Variants in CMIP observed in about 807,000 individuals in gnomAD.
The protein encoded by CMIP is c-Maf inducing protein.
CMIP carries 13 observed loss-of-function variants against 97.3 expected under a neutral mutation model. That is an observed-to-expected ratio of 0.13 (90% CI 0.09 to 0.21). The LOEUF (loss-of-function observed/expected upper bound fraction) is 0.21, where lower values mean the gene tolerates loss of function less well. Among genes scored for constraint, CMIP ranks in the 10% least tolerant of loss-of-function variants. The pLI is 1.00. For synonymous variants in CMIP, 538 were observed against 436.3 expected (o/e 1.23, Z -2.91); for missense variants, 847 against 1,024.9 (o/e 0.83, Z 2.37).
intron 1 of CMIP, among the ~76,000 whole-genome samples, chr16:81,446,419 T>C (rs1905845854): frequency 7.3e-6 from 1 of 137,654 alleles, no homozygotes; most frequent in African/African-American, 2.8e-5. Context: ...AAGACAGCTG[T>C]GGTGGGGTCG....
rs112617729 is a variant in CMIP, at chr16:81,457,922, C to A, written c.300+12381C>A. On this transcript the variant is annotated intron_variant, in intron 1 of 20. Coordinates refer to ENST00000537098, the MANE Select transcript of CMIP (RefSeq NM_198390.3). ...TGGCCTGGGCGTTGGCAAGCTCCCC[C>A]CTACCTTTGATCCCTCCCGACTGAC... Among the ~76,000 whole-genome samples the A allele has an allele frequency of 3.9e-3, 597 of 152,346 alleles. 3 individuals are homozygous for A. Among genetic ancestry groups the A allele is most frequent in the African/African-American group, 0.014 (566 of 41,574 alleles).
chr16:81,640,293 C>A (rs904283254), intron 3 of CMIP, among the ~76,000 whole-genome samples: 7 of 151,302 alleles, frequency 4.6e-5, no homozygotes, highest in African/African-American at 1.5e-4. Context: ...CAGGCCCCCC[C>A]CCCCCCAATT....
At position 81,691,951 on chromosome 16, in the gene CMIP, G is replaced by A. The variant is rs75477938; in HGVS notation, c.1454+111G>A. 130 of 957,422 alleles carry A rather than the reference G, an allele frequency of 1.4e-4. No homozygotes were observed. In the African/African-American group the frequency reaches 1.9e-3, roughly 14 times the overall value. 59.3% of individuals were successfully genotyped at this position (957,422 alleles called of 1,614,324 possible). A position where few individuals can be genotyped will look rare whatever the true frequency, so the allele number is the denominator to read the frequency against. On this transcript the variant is annotated intron_variant, in intron 11 of 20. Coordinates refer to ENST00000537098, the MANE Select transcript of CMIP (RefSeq NM_198390.3). Reference sequence around the variant, plus strand: ...TGTTATGGGGAAGCGAAGTCACAGCGGGAAGACCCTGGAGACGTCGGTACC... The same window carrying A: ...TGTTATGGGGAAGCGAAGTCACAGCAGGAAGACCCTGGAGACGTCGGTACC...
chr16:81,536,270 A>T (rs1341716743), intron 1 of CMIP, among the ~76,000 whole-genome samples: 2 of 152,104 alleles, frequency 1.3e-5, no homozygotes, highest in Non-Finnish European at 2.9e-5. Context: ...GGTACTTGGG[A>T]GTGCTCCTTG....
chr16:81,682,076 G>A (rs112081293), intron 10 of CMIP, among the ~76,000 whole-genome samples: 270 of 152,190 alleles, frequency 1.8e-3, no homozygotes, highest in Middle Eastern at 3.4e-3. Context: ...GGTGGCGGGC[G>A]CCTGTAGTCC....
chr16:81,626,610 C>T (rs572673187), intron 3 of CMIP, among the ~76,000 whole-genome samples: 27 of 77,424 alleles, frequency 3.5e-4, no homozygotes, highest in East Asian at 1.8e-3. Context: ...TGACGGTGTG[C>T]GTGTGTGTGT....
At chr16:81,590,189 C>G (rs79180953) in intron 1 of CMIP, among the ~76,000 whole-genome samples, 1 of 152,202 alleles carries the variant, frequency 6.6e-6, no homozygotes, top group Non-Finnish European at 1.5e-5. Flanking sequence ...TCTGAGCCTC[C>G]GTTTCCCTCT....
chr16:81,626,244 TGTGA>T lies in CMIP; in HGVS notation c.477+5322_477+5325del, dbSNP rs572903117. 6.9e-3 allele frequency among the ~76,000 whole-genome samples: 1,054 copies of T among 152,044 alleles called. 15 individuals carry two copies. Among genetic ancestry groups the T allele is most frequent in the African/African-American group, 0.024 (978 of 41,462 alleles). On this transcript the variant is annotated intron_variant, in intron 3 of 20. Transcript: ENST00000537098. Reference sequence around the variant, plus strand: ...GTGAGAATGTGTGTAAGAGTGAATGTGTGAGTGTGTGTGAGAGCGAGAGTGACTG... The same window carrying T: ...GTGAGAATGTGTGTAAGAGTGAATGTGTGTGTGTGAGAGCGAGAGTGACTG...
intron 3 of CMIP, among the ~76,000 whole-genome samples, chr16:81,634,040 G>T (rs1413265295): frequency 6.6e-6 from 1 of 152,244 alleles, no homozygotes; most frequent in African/African-American, 2.4e-5. Flanking sequence ...TTTTCAGAGT[G>T]AAGTCCCAAG....
chr16:81,685,223 C>T (rs1038838949), intron 10 of CMIP, among the ~76,000 whole-genome samples: 2 of 152,208 alleles, frequency 1.3e-5, no homozygotes, highest in Non-Finnish European at 1.5e-5. Context: ...CCTTCCCATG[C>T]ACCCCTCTCG....
At chr16:81,539,551 C>T (rs1234397858) in intron 1 of CMIP, among the ~76,000 whole-genome samples, 1 of 152,226 alleles carries the variant, frequency 6.6e-6, no homozygotes, top group Non-Finnish European at 1.5e-5. Context: ...TTGTTCTGAT[C>T]AGGACTACAG....
At chr16:81,637,815 C>A (rs905595660) in intron 3 of CMIP, among the ~76,000 whole-genome samples, 1 of 152,182 alleles carries the variant, frequency 6.6e-6, no homozygotes, top group Non-Finnish European at 1.5e-5. Context: ...AACAGAAATT[C>A]ATTTCTCATG....
At chr16:81,539,143 G>A (rs972526658) in intron 1 of CMIP, among the ~76,000 whole-genome samples, 6 of 152,198 alleles carry the variant, frequency 3.9e-5, no homozygotes, top group East Asian at 1.9e-4. Context: ...CTTTTGTGAC[G>A]CAGAATCTTG....
intron 1 of CMIP, among the ~76,000 whole-genome samples, chr16:81,479,155 C>T (rs56320921): frequency 0.047 from 7,205 of 152,222 alleles, 230 homozygotes; most frequent in Non-Finnish European, 0.072. Flanking sequence ...TCTGGCCTTG[C>T]CCCACAGAGA....
chr16:81,580,892 A>C (rs1390281148), intron 1 of CMIP, among the ~76,000 whole-genome samples: 2 of 151,954 alleles, frequency 1.3e-5, no homozygotes, highest in Non-Finnish European at 2.9e-5. Flanking sequence ...CCTCTTCTCC[A>C]CCCCAGCACG....
intron 3 of CMIP, among the ~76,000 whole-genome samples, chr16:81,637,193 C>T (rs2092248198): frequency 6.6e-6 from 1 of 152,180 alleles, no homozygotes; most frequent in South Asian, 2.1e-4. Context: ...GCCCCAGCCT[C>T]CCAAGTAGCT....
At chr16:81,457,711 C>T (rs1427818081) in intron 1 of CMIP, among the ~76,000 whole-genome samples, 1 of 152,246 alleles carries the variant, frequency 6.6e-6, no homozygotes, top group African/African-American at 2.4e-5. Flanking sequence ...GCTGCCCGGG[C>T]TGGCATGTGA....
Position 81,689,345 on chromosome 16 carries a change from C to T in CMIP, c.1389-2430C>T, listed in dbSNP as rs559554465. Among the ~76,000 whole-genome samples the T allele has an allele frequency of 1.6e-4, 24 of 152,312 alleles. No individual in the cohort carries two copies. In the South Asian group the frequency reaches 5.0e-3, roughly 32 times the overall value. ...TTGTTTCCTGACTTTTTAATGATCGCCATTCTAACTGGTGTGAGATGGTAT... is the reference window on the plus strand; with the variant it reads ...TTGTTTCCTGACTTTTTAATGATCGTCATTCTAACTGGTGTGAGATGGTAT... On this transcript the variant is annotated intron_variant, in intron 10 of 20. Transcript: ENST00000537098.
At chr16:81,657,962 G>A (rs2092503469) in intron 5 of CMIP, 146 bp downstream of exon 5, 7 of 633,078 alleles carry the variant, frequency 1.1e-5, no homozygotes, top group Admixed American at 9.8e-5. Context: ...CAAGCCGGAC[G>A]CACCTCCCTC....
Sources: gnomAD v4.1 joint callset for allele counts (sites outside exome capture counted in the v4.1 genomes callset) on GRCh38, gnomAD v4.1.1 for gene constraint, MANE v1.5 for transcripts, NCBI Gene and HGNC (gene_info 2026-07-23, HGNC 2026-07-21) for gene names.